Variants in BSN observed in about 807,000 individuals in gnomAD.
The protein encoded by BSN is bassoon presynaptic cytomatrix protein.
Under a neutral mutation model 264.8 loss-of-function variants are expected in BSN, and 57 were observed. The observed-to-expected ratio is 0.22, with a 90% CI of 0.17 to 0.27. The LOEUF is 0.27. Ranked by LOEUF, BSN falls within the 10% of genes least tolerant of loss-of-function variation. BSN has a pLI of 1.00. For missense variants in BSN, 4,615 were observed against 5,232.5 expected (o/e 0.88, Z 3.64); for synonymous variants, 2,059 against 2,137.3 (o/e 0.96, Z 1.01).
In BSN at chr3:49,651,997, A is replaced by G. The variant is rs745907472; in HGVS notation, c.2441A>G (p.Tyr814Cys). The change falls in exon 5 of 12, where the codon TAT (tyrosine) becomes TGT (cysteine). Residue 814 changes from tyrosine to cysteine, a missense_variant. Around this residue, in one of 3 missense-constraint regions of BSN, gnomAD observed 1,197 missense variants for 1,348.0 expected, o/e 0.89. Transcript: ENST00000296452. The surrounding 1 kb of genome is among the most constrained non-coding windows in gnomAD (Gnocchi z 5.4). ...DDFGSQLRHDYVEDSSEGGLS... is the reference protein window; with the variant it reads ...DDFGSQLRHDCVEDSSEGGLS... Reference sequence around the variant, plus strand: ...TTTGGCAGCCAATTGAGGCACGACTATGTGGAGGACAGCAGTGAGGGTGGC... The same window carrying G: ...TTTGGCAGCCAATTGAGGCACGACTGTGTGGAGGACAGCAGTGAGGGTGGC... 80 of 1,613,422 alleles carry G rather than the reference A, an allele frequency of 5.0e-5. No homozygotes were observed. Among genetic ancestry groups the G allele is most frequent in the Middle Eastern group, 1.6e-4 (1 of 6,084 alleles).
In BSN at chr3:49,653,892, G is replaced by A. The variant is rs765738075; in HGVS notation, c.4336G>A (p.Gly1446Arg). ...GGCCCCCAGTGGCCTTGCTGCAGCT[G>A]GACGAGCTGCTAGAGAGAAGCCCTT... ...PQAPSGLAAA[G>R]RAAREKPLSA... is the part of the protein sequence containing the mutation. Residue 1446 changes from glycine to arginine, a missense_variant, in exon 5 of 12, where the codon GGA becomes AGA. Physicochemically the swap from Gly to Arg is moderately radical, Grantham distance 125 (BLOSUM62 -2). Around this residue, in one of 3 missense-constraint regions of BSN, gnomAD observed 3,415 missense variants for 3,866.4 expected, o/e 0.88. Coordinates refer to ENST00000296452, the MANE Select transcript of BSN (RefSeq NM_003458.4). The surrounding 1 kb of genome is among the most constrained non-coding windows in gnomAD (Gnocchi z 6.3). The A allele has an allele frequency of 6.2e-7, 1 of 1,614,072 alleles. No homozygotes were observed. Among genetic ancestry groups the A allele is most frequent in the South Asian group, 1.1e-5 (1 of 91,076 alleles).
At chr3:49,593,829 G>A (rs1031174219) in intron 1 of BSN, among the ~76,000 whole-genome samples, 1 of 137,386 alleles carries the variant, frequency 7.3e-6, no homozygotes, top group Non-Finnish European at 1.5e-5. Context: ...TTGAGATGGA[G>A]TCTCGCTCTA....
rs571716841 is a variant in BSN at position 49,626,296 on chromosome 3, C to T, written c.633+913C>T. Reference sequence around the variant, plus strand: ...AGGATGGAGAGAGGCTGGCTGCAGGCACGGGCATGGCTGCCTCTGGGATTA... The same window carrying T: ...AGGATGGAGAGAGGCTGGCTGCAGGTACGGGCATGGCTGCCTCTGGGATTA... On this transcript the variant is annotated intron_variant, in intron 2 of 11. Transcript: ENST00000296452. Among the ~76,000 whole-genome samples the T allele has an allele frequency of 5.9e-5, 9 of 152,306 alleles. No individual in the cohort carries two copies. The East Asian group carries it at 1.7e-3, about 29-fold the overall frequency.
intron 1 of BSN, among the ~76,000 whole-genome samples, chr3:49,614,417 T>G (rs573923486): frequency 6.6e-6 from 1 of 152,144 alleles, no homozygotes; most frequent in Non-Finnish European, 1.5e-5. Context: ...AGCTGACTGG[T>G]GGCCACATAT....
At position 49,668,297 on chromosome 3, in the gene BSN, G is replaced by A. The variant is rs2052727822; in HGVS notation, c.*812G>A. 1.3e-5 allele frequency: 2 copies of A among 152,628 alleles called. No individual in the cohort carries two copies. Among genetic ancestry groups the A allele is most frequent in the African/African-American group, 4.8e-5 (2 of 41,428 alleles). The allele number at this position is 152,628 out of a possible 1,614,324, so 9.5% of individuals were successfully genotyped here. A position where few individuals can be genotyped will look rare whatever the true frequency, so the allele number is the denominator to read the frequency against. ...TGAGCATCCCAGCGGCACCGCCATT[G>A]TCTCAACCAGCCGGCTCCTCGTCTG... On this transcript the variant is annotated 3_prime_UTR_variant, in exon 12 of 12. Transcript: ENST00000296452.
chr3:49,663,721 C>G, intron 7 of BSN, 55 bp downstream of exon 7: 1 of 1,609,130 alleles, frequency 6.2e-7, no homozygotes, highest in Non-Finnish European at 8.5e-7. Context: ...ATGAATGAAG[C>G]TTGGACATCC....
At chr3:49,662,838 C>T (rs1448555796) in intron 6 of BSN, 38 bp from the exon 7 acceptor site, 1 of 1,525,602 alleles carries the variant, frequency 6.6e-7, no homozygotes, top group African/African-American at 1.4e-5. Context: ...CTGCGGCTAG[C>T]CCGGGGGTTG....
At chr3:49,581,804 G>C (rs905160643) in intron 1 of BSN, among the ~76,000 whole-genome samples, 2 of 151,760 alleles carry the variant, frequency 1.3e-5, no homozygotes, top group African/African-American at 4.8e-5. Context: ...AGCCTGAAGA[G>C]AGAGCAAGAC....
chr3:49,657,713 G>A lies in BSN; in HGVS notation c.8157G>A (p.Gln2719=). The A allele has an allele frequency of 6.4e-7, 1 of 1,550,752 alleles. No homozygotes were observed. Among genetic ancestry groups the A allele is most frequent in the South Asian group, 1.2e-5 (1 of 80,816 alleles). The change falls in exon 5 of 12, where the codon CAG becomes CAA. Residue 2719 remains glutamine, a synonymous_variant. Coordinates refer to ENST00000296452, the MANE Select transcript of BSN (RefSeq NM_003458.4). ...GGCGTGGGGAGAGCCTGGCCTGCCA[G>A]ACGGAGCCAGATGGGCAGGCCCAGG... The part of the protein sequence containing the change: ...KTGRGESLAC[Q]TEPDGQAQGV...
chr3:49,616,880 T>A (rs956608331), intron 1 of BSN, among the ~76,000 whole-genome samples: 1 of 152,160 alleles, frequency 6.6e-6, no homozygotes, highest in Non-Finnish European at 1.5e-5. Context: ...CTCCCAGCAG[T>A]GGTCCTGGGA....
rs1353604906 is a variant in BSN, at chr3:49,661,492, C to T, written c.9647C>T (p.Ser3216Phe). 7 of 1,614,116 alleles carry T rather than the reference C, an allele frequency of 4.3e-6. No homozygotes were observed. The highest frequency in any genetic ancestry group is 5.9e-6 in the Non-Finnish European group (7 of 1,180,044). The change falls in exon 6 of 12, where the codon TCT (serine) becomes TTT (phenylalanine). Residue 3216 changes from serine to phenylalanine, a missense_variant. Coordinates refer to ENST00000296452, the MANE Select transcript of BSN (RefSeq NM_003458.4). ...CAGAGCCCAGCCCCCACCTACCCCT[C>T]TGACTCACACTATACCAGTCTGGAG... is the stretch of plus-strand genomic sequence containing the variant. ...VSQSPAPTYPSDSHYTSLEQN... is the reference protein window; with the variant it reads ...VSQSPAPTYPFDSHYTSLEQN...
intron 1 of BSN, among the ~76,000 whole-genome samples, chr3:49,568,970 G>A (rs1559593915): frequency 6.6e-6 from 1 of 152,158 alleles, no homozygotes; most frequent in Non-Finnish European, 1.5e-5. Flanking sequence ...GGAAGGGGCT[G>A]AGTAGTAAGA....
chr3:49,623,041 C>T (rs1013053240), intron 1 of BSN, among the ~76,000 whole-genome samples: 2 of 152,110 alleles, frequency 1.3e-5, no homozygotes, highest in Non-Finnish European at 2.9e-5. Flanking sequence ...GTTTCTCTAC[C>T]CGCCAGTTCC....
chr3:49,623,285 A>C (rs751381457), intron 1 of BSN, among the ~76,000 whole-genome samples: 13 of 152,358 alleles, frequency 8.5e-5, no homozygotes, highest in Admixed American at 2.0e-4. Context: ...CACTGCTCTC[A>C]GCAAGTCAGC....
intron 1 of BSN, among the ~76,000 whole-genome samples, chr3:49,607,800 G>C (rs1246654871): frequency 6.6e-6 from 1 of 152,248 alleles, no homozygotes; most frequent in Non-Finnish European, 1.5e-5. Flanking sequence ...AAGGGGAAGA[G>C]AGTAGAGGAG....
chr3:49,662,171 G>A lies in BSN; in HGVS notation c.10326G>A (p.Arg3442=). The A allele has an allele frequency of 6.2e-7, 1 of 1,612,884 alleles. No individual in the cohort carries two copies. Among genetic ancestry groups the A allele is most frequent in the Non-Finnish European group, 8.5e-7 (1 of 1,179,902 alleles). The change falls in exon 6 of 12, where the codon CGG becomes CGA. Residue 3442 remains arginine, a synonymous_variant. Coordinates refer to ENST00000296452, the MANE Select transcript of BSN (RefSeq NM_003458.4). ...ACCGCATTTATGGCGGGAGCAGCCG[G>A]TCCCGGGCACCTTCTGCATACAGTG... The part of the protein sequence containing the change: ...EDDRIYGGSS[R]SRAPSAYSGE...
At chr3:49,584,915 TC>T (rs2051922969) in intron 1 of BSN, among the ~76,000 whole-genome samples, 1 of 152,222 alleles carries the variant, frequency 6.6e-6, no homozygotes, top group African/African-American at 2.4e-5. Flanking sequence ...CTGGCTTATT[TC>T]ATTTAACATA....
chr3:49,652,250 C>G lies in BSN; in HGVS notation c.2694C>G (p.Pro898=). Residue 898 remains proline, a synonymous_variant, in exon 5 of 12, where the codon CCC becomes CCG. Coordinates refer to ENST00000296452, the MANE Select transcript of BSN (RefSeq NM_003458.4). The stretch of plus-strand genomic sequence containing the variant: ...CAGCACTGCCCAAGAGGCGCCTGCC[C>G]CACAATGCCACCACGGGCTATGAGG... The part of the protein sequence containing the change: ...EPAALPKRRL[P]HNATTGYEEL... The G allele has an allele frequency of 6.2e-7, 1 of 1,604,540 alleles. No individual in the cohort carries two copies. Among genetic ancestry groups the G allele is most frequent in the South Asian group, 1.1e-5 (1 of 90,142 alleles).
intron 1 of BSN, among the ~76,000 whole-genome samples, chr3:49,562,694 C>CTG (rs1383405896): frequency 6.6e-6 from 1 of 152,190 alleles, no homozygotes; most frequent in Non-Finnish European, 1.5e-5. Context: ...CTGTGGAGAA[C>CTG]TGTGTCACTT....
Sources: allele counts gnomAD v4.1 joint callset (sites outside exome capture counted in the v4.1 genomes callset), GRCh38; gene constraint gnomAD v4.1.1; regional missense constraint gnomAD v4.1.1; non-coding constraint Gnocchi (gnomAD v3.1); transcripts MANE v1.5; gene names NCBI Gene and HGNC (gene_info 2026-07-23, HGNC 2026-07-21).